TBC1D4: variants seen among roughly 807,000 people sequenced by gnomAD.
TBC1D4 encodes the protein TBC1 domain family member 4.
A neutral mutation model predicts 142.5 loss-of-function variants in TBC1D4; 121 were observed. The ratio of observed to expected loss-of-function variants is 0.85; its 90% confidence interval spans 0.73 to 0.99. The LOEUF (loss-of-function observed/expected upper bound fraction) is 0.99. Ranked by LOEUF, TBC1D4 falls within the 50% of genes least tolerant of loss-of-function variation. The pLI, the probability that TBC1D4 is intolerant of heterozygous loss-of-function variation, is 0.00. For synonymous variants in TBC1D4, 630 were observed against 628.2 expected (o/e 1.00, Z -0.04); for missense variants, 1,475 against 1,606.6 (o/e 0.92, Z 1.40).
At chr13:75,339,711 G>A (rs1880522557) in intron 7 of TBC1D4, among the ~76,000 whole-genome samples, 1 of 151,754 alleles carries the variant, frequency 6.6e-6, no homozygotes, top group Non-Finnish European at 1.5e-5. Flanking sequence ...GAGTAGCTGG[G>A]ATTACAGGCA....
intron 1 of TBC1D4, among the ~76,000 whole-genome samples, chr13:75,373,806 C>T (rs747069995): frequency 6.6e-5 from 10 of 152,204 alleles, no homozygotes; most frequent in Non-Finnish European, 1.3e-4. Flanking sequence ...AGAGCTGACA[C>T]TGGCTGTTGA....
Position 75,458,148 on chromosome 13 carries a change from C to T in TBC1D4, c.498+23122G>A, listed in dbSNP as rs117961641. On this transcript the variant is annotated intron_variant, in intron 1 of 20. Coordinates refer to ENST00000377636, the MANE Select transcript of TBC1D4 (RefSeq NM_014832.5). ...TCCAGGAGGAATCAGGTCACTCGGACTTGAAGGATGGTGAATGTGAGGATT... is the reference window on the plus strand; with the variant it reads ...TCCAGGAGGAATCAGGTCACTCGGATTTGAAGGATGGTGAATGTGAGGATT... Among the ~76,000 whole-genome samples, 614 of 152,154 alleles carry T rather than the reference C, an allele frequency of 4.0e-3. 10 individuals are homozygous for T. The East Asian group carries it at 0.045, about 11-fold the overall frequency.
chr13:75,296,054 A>AC (rs1041873070), intron 17 of TBC1D4, among the ~76,000 whole-genome samples: 1 of 151,618 alleles, frequency 6.6e-6, no homozygotes, highest in Non-Finnish European at 1.5e-5. Context: ...AAAATCAAAA[A>AC]CTATGCAAAA....
intron 1 of TBC1D4, among the ~76,000 whole-genome samples, chr13:75,468,087 T>C (rs913202904): frequency 2.0e-5 from 3 of 152,194 alleles, no homozygotes; most frequent in African/African-American, 7.2e-5. Flanking sequence ...AAGAAAGGCC[T>C]TAAAAAGCTA....
chr13:75,476,071 C>A (rs1329699394), intron 1 of TBC1D4, among the ~76,000 whole-genome samples: 1 of 151,910 alleles, frequency 6.6e-6, no homozygotes, highest in Non-Finnish European at 1.5e-5. Context: ...GGTGAAACCC[C>A]GTCTCTACTA....
chr13:75,408,391 T>C (rs901012959), intron 1 of TBC1D4, among the ~76,000 whole-genome samples: 11 of 152,236 alleles, frequency 7.2e-5, no homozygotes, highest in African/African-American at 2.7e-4. Flanking sequence ...TTTTGGCTAT[T>C]ACGAATAATG....
chr13:75,433,455 A>G (rs1256360733), intron 1 of TBC1D4, among the ~76,000 whole-genome samples: 1 of 152,168 alleles, frequency 6.6e-6, no homozygotes. Context: ...AATAAAAACA[A>G]TCTACTGTCC....
At chr13:75,393,881 C>T (rs1269817290) in intron 1 of TBC1D4, among the ~76,000 whole-genome samples, 3 of 149,706 alleles carry the variant, frequency 2.0e-5, no homozygotes, top group Non-Finnish European at 3.0e-5. Context: ...GAGCAGAGAT[C>T]GTGCCATTGC....
At chr13:75,425,314 A>C (rs1390232976) in intron 1 of TBC1D4, among the ~76,000 whole-genome samples, 1 of 152,146 alleles carries the variant, frequency 6.6e-6, no homozygotes, top group African/African-American at 2.4e-5. Context: ...TGGTTATTAT[A>C]AAAAAAGATG....
In TBC1D4 at chr13:75,357,930, A is replaced by G. The variant is rs147607079; in HGVS notation, c.1171-1679T>C. Among the ~76,000 whole-genome samples the G allele has an allele frequency of 2.2e-3, 333 of 152,340 alleles. 5 individuals are homozygous for G. Among genetic ancestry groups the G allele is most frequent in the African/African-American group, 7.7e-3 (322 of 41,582 alleles). On this transcript the variant is annotated intron_variant, in intron 3 of 20. Transcript: ENST00000377636. The stretch of plus-strand genomic sequence containing the variant: ...AGAATGCAAATCTTGACTTTAAAAA[A>G]ATACAAAGGAGAAACAAGAAATTGT...
intron 4 of TBC1D4, 83 bp from the exon 5 acceptor site, chr13:75,349,385 T>C: frequency 1.9e-6 from 3 of 1,553,644 alleles, no homozygotes; most frequent in South Asian, 2.3e-5. Context: ...TGAGCCTTTG[T>C]TGATGCTGAC....
At chr13:75,457,965 G>A (rs1887808193) in intron 1 of TBC1D4, among the ~76,000 whole-genome samples, 2 of 152,150 alleles carry the variant, frequency 1.3e-5, no homozygotes, top group South Asian at 4.1e-4. Flanking sequence ...AAGCGCTTTT[G>A]GTCTCTGGCC....
intron 1 of TBC1D4, among the ~76,000 whole-genome samples, chr13:75,424,502 T>TA (rs897972528): frequency 2.3e-4 from 34 of 149,588 alleles, no homozygotes; most frequent in African/African-American, 2.5e-4. Flanking sequence ...TTCACAGAAG[T>TA]AAAAAAAAAA....
intron 9 of TBC1D4, among the ~76,000 whole-genome samples, chr13:75,327,550 A>T (rs1326504842): frequency 6.6e-6 from 1 of 152,230 alleles, no homozygotes; most frequent in Non-Finnish European, 1.5e-5. Flanking sequence ...TAAAAAGCCT[A>T]ACAGAGCACA....
chr13:75,437,745 G>A (rs537625065), intron 1 of TBC1D4, among the ~76,000 whole-genome samples: 1 of 152,182 alleles, frequency 6.6e-6, no homozygotes, highest in Non-Finnish European at 1.5e-5. Flanking sequence ...TCAGAGAACA[G>A]CTAACTCACC....
At chr13:75,299,842 AAAAAAAT>A (rs1415950180) in intron 16 of TBC1D4, among the ~76,000 whole-genome samples, 28 of 125,978 alleles carry the variant, frequency 2.2e-4, no homozygotes, top group Non-Finnish European at 4.7e-4. Context: ...AAAAAAAAAA[AAAAAAAT>A]ACAATAAAAA....
intron 1 of TBC1D4, among the ~76,000 whole-genome samples, chr13:75,452,541 TG>T (rs1305726472): frequency 1.3e-5 from 2 of 152,156 alleles, no homozygotes; most frequent in African/African-American, 4.8e-5. Context: ...AATGAGAAAA[TG>T]TTTTATAGAA....
intron 13 of TBC1D4, among the ~76,000 whole-genome samples, chr13:75,312,454 G>GAAAAAC (rs1593908544): frequency 9.0e-6 from 1 of 110,586 alleles, no homozygotes; most frequent in African/African-American, 2.9e-5. Flanking sequence ...GAAAGAAAAA[G>GAAAAAC]GACATACAGC....
chr13:75,300,302 T>C (rs1434376199), intron 16 of TBC1D4, among the ~76,000 whole-genome samples: 1 of 152,010 alleles, frequency 6.6e-6, no homozygotes, highest in Non-Finnish European at 1.5e-5. Context: ...GAGCTGGCAA[T>C]GTGAGTCCTG....
Sources: allele counts gnomAD v4.1 joint callset (sites outside exome capture counted in the v4.1 genomes callset), GRCh38; gene constraint gnomAD v4.1.1; transcripts MANE v1.5; gene names NCBI Gene and HGNC (gene_info 2026-07-23, HGNC 2026-07-21).